Variants in NSUN3 observed in about 807,000 individuals in gnomAD.
The protein encoded by NSUN3 is tRNA (cytosine(34)-C(5))-methyltransferase, mitochondrial.
Under a neutral mutation model 36.8 loss-of-function variants are expected in NSUN3, and 24 were observed. The observed-to-expected ratio is 0.65, with a 90% CI of 0.47 to 0.92. The LOEUF (loss-of-function observed/expected upper bound fraction) is 0.92. Among genes scored for constraint, NSUN3 ranks in the 40% least tolerant of loss-of-function variants. The pLI, the probability that NSUN3 is intolerant of heterozygous loss-of-function variation, is 0.00. For synonymous variants in NSUN3, 146 were observed against 145.2 expected, an observed-to-expected ratio of 1.01 and a Z score of -0.04; for missense variants, 381 against 392.8, an observed-to-expected ratio of 0.97 and a Z score of 0.25.
Position 94,084,290 on chromosome 3 carries a change from A to G in NSUN3, c.306A>G (p.Ser102=), listed in dbSNP as rs1422208005. ...YLSRTPGRIP[S]ERHQIGNLKK... is the part of the protein sequence containing the mutation. The stretch of plus-strand genomic sequence containing the variant: ...GCAGAACTCCGGGCCGAATCCCTTC[A>G]GAAAGACACCAAATTGGAAACCTGA... Residue 102 remains serine (S), a synonymous_variant, in exon 3 of 6, where the codon TCA becomes TCG. Transcript: ENST00000314622. 5 of 1,614,142 alleles carry G rather than the reference A, an allele frequency of 3.1e-6. No individual in the cohort carries two copies. Among genetic ancestry groups the G allele is most frequent in the East Asian group, 4.5e-5 (2 of 44,872 alleles).
chr3:94,096,120 A>G (rs1194307778), intron 5 of NSUN3, among the ~76,000 whole-genome samples: 1 of 152,118 alleles, frequency 6.6e-6, no homozygotes, highest in Non-Finnish European at 1.5e-5. Flanking sequence ...ATCACTCATT[A>G]CCTCTTGCAC....
At chr3:94,071,763 GA>G (rs1046513243) in intron 2 of NSUN3, among the ~76,000 whole-genome samples, 2 of 152,184 alleles carry the variant, frequency 1.3e-5, no homozygotes, top group African/African-American at 4.8e-5. Context: ...GACTAACTGT[GA>G]ATCTTGGGAA....
chr3:94,124,651 A>G (rs2077477949), intron 5 of NSUN3, among the ~76,000 whole-genome samples: 1 of 152,080 alleles, frequency 6.6e-6, no homozygotes, highest in Non-Finnish European at 1.5e-5. Context: ...TTTTAACTTA[A>G]TTACTTCTTT....
intron 2 of NSUN3, chr3:94,076,298 G>A: frequency 1.1e-6 from 1 of 874,328 alleles, no homozygotes; most frequent in South Asian, 1.3e-5. Flanking sequence ...CAACAGTCTT[G>A]TCAGCTGATC....
intron 3 of NSUN3, among the ~76,000 whole-genome samples, chr3:94,085,595 A>G (rs1037117690): frequency 1.3e-5 from 2 of 152,144 alleles, no homozygotes; most frequent in Non-Finnish European, 2.9e-5. Context: ...TGTCTGTACA[A>G]AAAGATTCAA....
intron 5 of NSUN3, among the ~76,000 whole-genome samples, chr3:94,095,670 G>T (rs1306193762): frequency 2.0e-5 from 3 of 152,070 alleles, no homozygotes; most frequent in Non-Finnish European, 4.4e-5. Context: ...TATTGTTCGG[G>T]TTCCAACAGC....
At chr3:94,108,025 T>G (rs2077397859) in intron 5 of NSUN3, among the ~76,000 whole-genome samples, 1 of 150,662 alleles carries the variant, frequency 6.6e-6, no homozygotes, top group South Asian at 2.1e-4. Context: ...CATTTCCATT[T>G]GTTCTATAAC....
chr3:94,110,615 T>C (rs926630257), intron 5 of NSUN3, among the ~76,000 whole-genome samples: 3 of 152,084 alleles, frequency 2.0e-5, no homozygotes, highest in Non-Finnish European at 4.4e-5. Context: ...GTTGTTAGTA[T>C]ATAGTCTCTC....
At chr3:94,107,816 C>A (rs1032939254) in intron 5 of NSUN3, among the ~76,000 whole-genome samples, 2 of 152,126 alleles carry the variant, frequency 1.3e-5, no homozygotes, top group African/African-American at 4.8e-5. Flanking sequence ...CCAAACTGTT[C>A]TACTCAATCA....
chr3:94,099,831 T>G (rs2077357899), intron 5 of NSUN3, among the ~76,000 whole-genome samples: 1 of 152,150 alleles, frequency 6.6e-6, no homozygotes, highest in African/African-American at 2.4e-5. Context: ...ATAGCACTTT[T>G]ATCATCAGGA....
At chr3:94,112,907 C>T (rs553319997) in intron 5 of NSUN3, among the ~76,000 whole-genome samples, 21 of 152,238 alleles carry the variant, frequency 1.4e-4, no homozygotes, top group Middle Eastern at 3.4e-3. Flanking sequence ...CTCTGTGGCC[C>T]GGGCTGGAGT....
chr3:94,108,419 G>A (rs1349152943), intron 5 of NSUN3, among the ~76,000 whole-genome samples: 2 of 152,154 alleles, frequency 1.3e-5, no homozygotes, highest in African/African-American at 2.4e-5. Flanking sequence ...GGAGTGCAGT[G>A]GCACGATCTT....
chr3:94,096,230 A>G (rs2077338840), intron 5 of NSUN3, among the ~76,000 whole-genome samples: 2 of 152,292 alleles, frequency 1.3e-5, no homozygotes, highest in East Asian at 1.9e-4. Context: ...ATACTAATAC[A>G]TAGCCTTGTA....
Position 94,110,936 on chromosome 3 carries a change from C to T in NSUN3, c.744-15275C>T, listed in dbSNP as rs74596825. Among the ~76,000 whole-genome samples the T allele has an allele frequency of 2.9e-4, 44 of 152,066 alleles. No homozygotes were observed. The East Asian group carries it at 8.3e-3, about 29-fold the overall frequency. On this transcript the variant is annotated intron_variant, in intron 5 of 5. Coordinates refer to ENST00000314622, the MANE Select transcript of NSUN3 (RefSeq NM_022072.5). ...CTGGATTGTGAGGTTGAAGATTGGGCCTGGATCCCTGATGATTCTGGAGTC... is the reference window on the plus strand; with the variant it reads ...CTGGATTGTGAGGTTGAAGATTGGGTCTGGATCCCTGATGATTCTGGAGTC...
intron 1 of NSUN3, 79 bp downstream of exon 1, chr3:94,063,217 C>G (rs1036161142): frequency 7.1e-7 from 1 of 1,404,798 alleles, no homozygotes; most frequent in Non-Finnish European, 1.0e-6. Flanking sequence ...AGGGAGGGTG[C>G]TGGGATGGGG....
At chr3:94,098,034 C>A (rs899516850) in intron 5 of NSUN3, among the ~76,000 whole-genome samples, 6 of 152,146 alleles carry the variant, frequency 3.9e-5, no homozygotes, top group Admixed American at 3.9e-4. Flanking sequence ...ATCATAATTT[C>A]TAATTCTCTT....
Position 94,084,415 on chromosome 3 carries a change from G to A in NSUN3, c.431G>A (p.Gly144Glu), listed in dbSNP as rs780457991. The change falls in exon 3 of 6, where the codon GGG (glycine) becomes GAG (glutamate). Residue 144 changes from glycine (G) to glutamate (E), a missense_variant. Gly to Glu is a moderately conservative substitution (Grantham distance 98, BLOSUM62 -2). Transcript: ENST00000314622. ...KVLDLCAAPGGKSIALLQCAC... is the reference protein window; with the variant it reads ...KVLDLCAAPGEKSIALLQCAC... The stretch of plus-strand genomic sequence containing the variant: ...CTGGATCTCTGTGCTGCTCCTGGAG[G>A]GAAATCAATAGCTCTGCTGCAGTGT... 1 of 1,613,936 alleles carries A rather than the reference G, an allele frequency of 6.2e-7. No individual in the cohort carries two copies. Among genetic ancestry groups the A allele is most frequent in the Non-Finnish European group, 8.5e-7 (1 of 1,179,966 alleles).
chr3:94,083,596 A>G (rs990675597), intron 2 of NSUN3, among the ~76,000 whole-genome samples: 2 of 152,182 alleles, frequency 1.3e-5, no homozygotes, highest in Non-Finnish European at 2.9e-5. Flanking sequence ...TGAAGTTACA[A>G]AGTTCCACTT....
intron 2 of NSUN3, chr3:94,076,838 C>T: frequency 4.4e-6 from 7 of 1,583,238 alleles, no homozygotes; most frequent in Non-Finnish European, 6.1e-6. Flanking sequence ...AATTTTTCCA[C>T]TAACTGAACC....
Sources: gnomAD v4.1 joint callset for allele counts (sites outside exome capture counted in the v4.1 genomes callset) on GRCh38, gnomAD v4.1.1 for gene constraint, MANE v1.5 for transcripts, NCBI Gene and HGNC (gene_info 2026-07-23, HGNC 2026-07-21) for gene names.